Variants in PTPN3 observed in about 807,000 individuals in gnomAD.
The protein encoded by PTPN3 is tyrosine-protein phosphatase non-receptor type 3.
In PTPN3, 96 loss-of-function variants were observed where a neutral mutation model predicts 132.7. The ratio of observed to expected loss-of-function variants is 0.72; its 90% confidence interval spans 0.61 to 0.86. The LOEUF (loss-of-function observed/expected upper bound fraction) is 0.86. Among genes scored for constraint, PTPN3 ranks in the 40% least tolerant of loss-of-function variants. The probability of loss-of-function intolerance (pLI) is 0.00; values close to 1 mark genes in which losing one functional copy is unlikely to be tolerated. For synonymous variants in PTPN3, 398 were observed against 429.0 expected (o/e 0.93, Z 0.89); for missense variants, 1,125 against 1,159.6 (o/e 0.97, Z 0.43).
At position 109,463,425 on chromosome 9, in the gene PTPN3, G is replaced by A. The variant is rs371966999; in HGVS notation, c.10C>T (p.Arg4Trp). 4.4e-6 allele frequency: 7 copies of A among 1,607,996 alleles called. No homozygotes were observed. The highest frequency in any genetic ancestry group is 1.7e-5 in the Admixed American group (1 of 58,240). ...ATTCTTCCACCCAACGCACGTAACC[G>A]GGAGGTCATAACTATCGCTGAATAA... MTS[R>W]LRALGGRINN... The change falls in exon 2 of 26, where the codon CGG becomes TGG. Residue 4 changes from arginine to tryptophan, a missense_variant. Physicochemically the swap from Arg to Trp is moderately radical, Grantham distance 101. Transcript: ENST00000374541.
At chr9:109,467,002 G>A (rs910570551) in intron 1 of PTPN3, among the ~76,000 whole-genome samples, 1 of 151,958 alleles carries the variant, frequency 6.6e-6, no homozygotes, top group East Asian at 1.9e-4. Flanking sequence ...TAAGGATAGA[G>A]AGTCTGAAAT....
chr9:109,438,069 TACCCA>T (rs1564441687), intron 8 of PTPN3, 40 bp downstream of exon 8: 3 of 1,571,730 alleles, frequency 1.9e-6, no homozygotes, highest in African/African-American at 2.7e-5. Flanking sequence ...TGTCTGAAAA[TACCCA>T]ACCCAAGTCC....
upstream of PTPN3, among the ~76,000 whole-genome samples, chr9:109,499,074 T>C (rs566930107): frequency 4.4e-5 from 6 of 137,736 alleles, no homozygotes; most frequent in African/African-American, 1.6e-4. Context: ...GCACCTATTC[T>C]GGTTTTTCTC....
chr9:109,404,302 T>A (rs1841380875), intron 19 of PTPN3, 146 bp downstream of exon 19: 1 of 561,308 alleles, frequency 1.8e-6, no homozygotes, highest in Non-Finnish European at 2.7e-6. Flanking sequence ...GAGACTCAGT[T>A]GACTGCTTTT....
the PTPN3 span, chr9:109,534,454 C>T: frequency 9.9e-5 from 120 of 1,213,602 alleles, no homozygotes; most frequent in Non-Finnish European, 1.3e-4. Context: ...GCTCTCCGCT[C>T]CCGCTACCGA....
chr9:109,456,888 C>T (rs1235277609), intron 4 of PTPN3, among the ~76,000 whole-genome samples: 2 of 152,172 alleles, frequency 1.3e-5, no homozygotes, highest in East Asian at 1.9e-4. Flanking sequence ...GGCCATCCTC[C>T]TTCCTTTTCC....
At chr9:109,440,754 C>CTGCA (rs1293322146) in intron 7 of PTPN3, among the ~76,000 whole-genome samples, 3 of 152,204 alleles carry the variant, frequency 2.0e-5, no homozygotes, top group Non-Finnish European at 4.4e-5. Context: ...TGGTATCATT[C>CTGCA]TGCAAACATG....
the PTPN3 span, among the ~76,000 whole-genome samples, chr9:109,510,329 C>T: frequency 2.6e-5 from 4 of 151,622 alleles, no homozygotes; most frequent in Non-Finnish European, 5.9e-5. Flanking sequence ...GAGGCCAAGG[C>T]GGGCAGATCA....
chr9:109,430,140 C>T (rs1212256934), intron 10 of PTPN3, among the ~76,000 whole-genome samples: 5 of 152,082 alleles, frequency 3.3e-5, no homozygotes, highest in Admixed American at 3.3e-4. Flanking sequence ...AGATACTCTT[C>T]CTAGTGTGTG....
In PTPN3 at chr9:109,491,740, T is replaced by A. The variant is rs186322193; in HGVS notation, c.-18+6479A>T. On this transcript the variant is annotated intron_variant, in intron 1 of 25. Transcript: ENST00000374541. Reference sequence around the variant, plus strand: ...AAGGTGAGCAAAGGCTCTGCAATCATGGAGCTGAGACCCACAGGATGAAGT... The same window carrying A: ...AAGGTGAGCAAAGGCTCTGCAATCAAGGAGCTGAGACCCACAGGATGAAGT... 3.5e-4 allele frequency among the ~76,000 whole-genome samples: 53 copies of A among 152,288 alleles called. 1 individual carries two copies. Among genetic ancestry groups the A allele is most frequent in the African/African-American group, 1.2e-3 (48 of 41,564 alleles).
intron 16 of PTPN3, among the ~76,000 whole-genome samples, chr9:109,409,007 G>C (rs545590201): frequency 3.7e-4 from 56 of 151,332 alleles, no homozygotes; most frequent in Admixed American, 1.6e-3. Context: ...TGGCAGCTGG[G>C]GGGTAGGCGA....
At chr9:109,456,747 T>C (rs539375916) in intron 4 of PTPN3, among the ~76,000 whole-genome samples, 2 of 152,346 alleles carry the variant, frequency 1.3e-5, no homozygotes, top group East Asian at 1.9e-4. Flanking sequence ...ATCTTTTATA[T>C]TGGTGACATT....
chr9:109,507,388 C>T, the PTPN3 span, among the ~76,000 whole-genome samples: 20 of 152,150 alleles, frequency 1.3e-4, no homozygotes, highest in Admixed American at 4.6e-4. Context: ...ATTTCATTGC[C>T]GAGAAACTGG....
At chr9:109,383,816 C>T (rs954075591) in intron 22 of PTPN3, among the ~76,000 whole-genome samples, 10 of 152,106 alleles carry the variant, frequency 6.6e-5, no homozygotes, top group African/African-American at 1.9e-4. Flanking sequence ...AGGGGCCACT[C>T]GCTGGAAGAG....
Position 109,410,218 on chromosome 9 carries a change from C to G in PTPN3, c.1500+11G>C. 2 of 1,612,256 alleles carry G rather than the reference C, an allele frequency of 1.2e-6. No individual in the cohort carries two copies. The highest frequency in any genetic ancestry group is 1.7e-6 in the Non-Finnish European group (2 of 1,178,556). On this transcript the variant is annotated intron_variant, in intron 15 of 25. Transcript: ENST00000374541. ...GGTGTGTGGATCACCCGGCTGCCTG[C>G]GCTCGCTCACCTTGTCACAGTAGTA...
the PTPN3 span, among the ~76,000 whole-genome samples, chr9:109,529,606 G>A: frequency 3.3e-5 from 5 of 152,256 alleles, no homozygotes; most frequent in African/African-American, 1.2e-4. Context: ...GCTAGCAATT[G>A]CTCTTGCTTT....
upstream of PTPN3, among the ~76,000 whole-genome samples, chr9:109,500,911 G>C (rs1231946736): frequency 6.9e-6 from 1 of 144,482 alleles, no homozygotes; most frequent in Non-Finnish European, 1.5e-5. Context: ...CTGTATGACA[G>C]AGCGAGATTC....
chr9:109,534,275 C>CG, the PTPN3 span: 21 of 1,539,374 alleles, frequency 1.4e-5, 1 homozygote, highest in South Asian at 1.8e-4. Context: ...GCGCTGAGGG[C>CG]GGGGGGCGGC....
intron 1 of PTPN3, among the ~76,000 whole-genome samples, chr9:109,477,058 C>G (rs1846703461): frequency 6.6e-6 from 1 of 152,172 alleles, no homozygotes; most frequent in Non-Finnish European, 1.5e-5. Context: ...GTCACACAGG[C>G]AGACTTCAAA....
Sources: gnomAD v4.1 joint callset for allele counts (sites outside exome capture counted in the v4.1 genomes callset) on GRCh38, gnomAD v4.1.1 for gene constraint, MANE v1.5 for transcripts, NCBI Gene and HGNC (gene_info 2026-07-23, HGNC 2026-07-21) for gene names.